Variants in OSBPL8 observed in about 807,000 individuals in gnomAD.
OSBPL8 encodes the protein oxysterol-binding protein-related protein 8.
A neutral mutation model predicts 125.5 loss-of-function variants in OSBPL8; 59 were observed. The observed-to-expected ratio is 0.47, with a 90% CI of 0.38 to 0.58. The LOEUF (loss-of-function observed/expected upper bound fraction) is 0.58, where lower values mean the gene tolerates loss of function less well. Among genes scored for constraint, OSBPL8 ranks in the 20% least tolerant of loss-of-function variants. OSBPL8 has a pLI of 0.00. For missense variants in OSBPL8, 758 were observed against 1,047.8 expected (o/e 0.72, Z 3.82); for synonymous variants, 330 against 338.9 (o/e 0.97, Z 0.29).
At chr12:76,400,390 C>T (rs1954002146) in intron 6 of OSBPL8, among the ~76,000 whole-genome samples, 1 of 152,176 alleles carries the variant, frequency 6.6e-6, no homozygotes, top group South Asian at 2.1e-4. Context: ...TTTCTTTATC[C>T]AGTCTCTCAT....
chr12:76,438,955 G>T (rs1041208583), intron 4 of OSBPL8, among the ~76,000 whole-genome samples: 3 of 152,086 alleles, frequency 2.0e-5, no homozygotes, highest in Non-Finnish European at 4.4e-5. Context: ...TCATATAAAA[G>T]CCTGATTTAA....
intron 1 of OSBPL8, among the ~76,000 whole-genome samples, chr12:76,538,901 A>G (rs900746028): frequency 6.6e-5 from 10 of 151,890 alleles, no homozygotes; most frequent in South Asian, 6.3e-4. Flanking sequence ...CAAGATCACA[A>G]CACTGCACTC....
chr12:76,521,224 T>C (rs1882036699), intron 1 of OSBPL8, among the ~76,000 whole-genome samples: 1 of 152,170 alleles, frequency 6.6e-6, no homozygotes, highest in African/African-American at 2.4e-5. Context: ...AATTCCTAAT[T>C]ATGCAAACAT....
At position 76,390,553 on chromosome 12, in the gene OSBPL8, T is replaced by C; in HGVS notation, c.1034A>G (p.Glu345Gly). 1.2e-6 allele frequency: 2 copies of C among 1,613,702 alleles called. No homozygotes were observed. The highest frequency in any genetic ancestry group is 1.7e-6 in the Non-Finnish European group (2 of 1,179,726). Residue 345 changes from glutamate (E) to glycine (G), a missense_variant, in exon 11 of 24, where the codon GAG becomes GGG. By Grantham distance (98) the Glu-to-Gly change is moderately conservative. Around this residue, in one of 3 missense-constraint regions of OSBPL8, gnomAD observed 572 missense variants for 762.0 expected, o/e 0.75. Transcript: ENST00000261183. ...ACTTTCTTCACTTTTCCCCATCACC[T>C]CATTATCAGACTCATCATGTTCTTG... ...NDQEHDESDN[E>G]VMGKSEESDT...
chr12:76,510,752 A>G (rs1189757554), intron 1 of OSBPL8, among the ~76,000 whole-genome samples: 1 of 151,882 alleles, frequency 6.6e-6, no homozygotes, highest in Non-Finnish European at 1.5e-5. Flanking sequence ...GTAGTGGCGC[A>G]TGCCTGTAAT....
intron 4 of OSBPL8, among the ~76,000 whole-genome samples, chr12:76,423,515 C>T (rs1457447805): frequency 1.3e-5 from 2 of 152,066 alleles, no homozygotes; most frequent in African/African-American, 2.4e-5. Context: ...GTCTTTCCTG[C>T]TTAAAAAAAA....
chr12:76,533,645 GCTCAGAAATGAGATTATTAAC>G (rs1950413012), intron 1 of OSBPL8, among the ~76,000 whole-genome samples: 2 of 152,062 alleles, frequency 1.3e-5, no homozygotes, highest in Admixed American at 1.3e-4. Context: ...AAACTCAAGC[GCTCAGAAATGAGATTATTAAC>G]CTCATCTCCA....
At chr12:76,403,128 A>G (rs1423441868) in intron 5 of OSBPL8, among the ~76,000 whole-genome samples, 1 of 152,196 alleles carries the variant, frequency 6.6e-6, no homozygotes, top group African/African-American at 2.4e-5. Context: ...TATTCTAAAA[A>G]CAAACAAAGA....
At chr12:76,453,884 G>C (rs1437330900) in intron 3 of OSBPL8, among the ~76,000 whole-genome samples, 5 of 151,988 alleles carry the variant, frequency 3.3e-5, no homozygotes, top group Non-Finnish European at 5.9e-5. Context: ...GCAAAATAGG[G>C]CAAAGACTTG....
intron 10 of OSBPL8, among the ~76,000 whole-genome samples, chr12:76,391,268 A>T (rs1485347346): frequency 6.6e-6 from 1 of 152,198 alleles, no homozygotes; most frequent in African/African-American, 2.4e-5. Context: ...AGCTGAAAGA[A>T]ATTAACCTAT....
At chr12:76,360,764 A>T (rs2136139571) in intron 21 of OSBPL8, among the ~76,000 whole-genome samples, 1 of 152,332 alleles carries the variant, frequency 6.6e-6, no homozygotes, top group Non-Finnish European at 1.5e-5. Flanking sequence ...GGAAGCTGCC[A>T]AGGTTTGGGG....
intron 15 of OSBPL8, among the ~76,000 whole-genome samples, chr12:76,380,528 CA>C (rs3038514): frequency 2.7e-4 from 24 of 89,262 alleles, no homozygotes; most frequent in Non-Finnish European, 4.0e-4. Flanking sequence ...GACACTGTCC[CA>C]AAAAAAAAAA....
chr12:76,463,698 G>T (rs1048926486), intron 2 of OSBPL8, among the ~76,000 whole-genome samples: 2 of 152,132 alleles, frequency 1.3e-5, no homozygotes, highest in South Asian at 2.1e-4. Context: ...AATAAGCATG[G>T]CTTCAGAAAA....
In OSBPL8 at chr12:76,515,625, C is replaced by A. The variant is rs139743720; in HGVS notation, c.-67-28007G>T. Among the ~76,000 whole-genome samples, 227 of 152,214 alleles carry A rather than the reference C, an allele frequency of 1.5e-3. 1 individual carries two copies. The highest frequency in any genetic ancestry group is 3.6e-3 in the Admixed American group (55 of 15,300). On this transcript the variant is annotated intron_variant, in intron 1 of 23. Transcript: ENST00000261183. ...TGGTTGTAGATTGCAGCTTTGCACT[C>A]CTGGGCTGCCCACTGCAGTTCTGGG...
chr12:76,552,428 C>CAAA (rs55942644), intron 1 of OSBPL8, among the ~76,000 whole-genome samples: 3 of 54,892 alleles, frequency 5.5e-5, no homozygotes, highest in Non-Finnish European at 9.7e-5. Context: ...CCCATGTCTC[C>CAAA]AAAAAAAAAA....
chr12:76,484,990 A>C (rs1022659472), intron 2 of OSBPL8, among the ~76,000 whole-genome samples: 34 of 152,074 alleles, frequency 2.2e-4, no homozygotes, highest in African/African-American at 8.2e-4. Context: ...GCGCGATCTC[A>C]GCTCACTGCA....
In OSBPL8 at chr12:76,410,653, A is replaced by G. The variant is rs375006880; in HGVS notation, c.218-19T>C. 17 of 1,501,346 alleles carry G rather than the reference A, an allele frequency of 1.1e-5. No homozygotes were observed. In the African/African-American group the frequency reaches 1.5e-4, roughly 13 times the overall value. The allele number at this position is 1,501,346 out of a possible 1,614,324, so 93.0% of individuals were successfully genotyped here. ...TCAAAACCTTAAAAAAATAGTCAGC[A>G]TATCAGTATTACTACTTTTGAACAT... On this transcript the variant is annotated intron_variant, in intron 4 of 23. Transcript: ENST00000261183.
chr12:76,472,785 G>C (rs1368300726), intron 2 of OSBPL8, among the ~76,000 whole-genome samples: 1 of 152,174 alleles, frequency 6.6e-6, no homozygotes, highest in African/African-American at 2.4e-5. Context: ...GTACAGGATG[G>C]AACATGAAAG....
chr12:76,425,392 C>A (rs1379788161), intron 4 of OSBPL8, among the ~76,000 whole-genome samples: 1 of 152,134 alleles, frequency 6.6e-6, no homozygotes, highest in Non-Finnish European at 1.5e-5. Context: ...CAACAATGCA[C>A]TATATCTTTG....
Sources: gnomAD v4.1 joint callset for allele counts (sites outside exome capture counted in the v4.1 genomes callset) on GRCh38, gnomAD v4.1.1 for gene constraint, gnomAD v4.1.1 regional missense constraint, MANE v1.5 for transcripts, NCBI Gene and HGNC (gene_info 2026-07-23, HGNC 2026-07-21) for gene names.